SULF1: variants seen among roughly 807,000 people sequenced by gnomAD.
SULF1 encodes the protein sulfatase 1.
Under a neutral mutation model 110.5 loss-of-function variants are expected in SULF1, and 46 were observed. The observed-to-expected ratio is 0.42, with a 90% CI of 0.33 to 0.53. SULF1 has a LOEUF of 0.53. SULF1 is among the 20% of genes least tolerant of loss of function. The pLI, the probability that SULF1 is intolerant of heterozygous loss-of-function variation, is 0.12. For synonymous variants in SULF1, 371 were observed against 387.1 expected, an observed-to-expected ratio of 0.96 and a Z score of 0.49; for missense variants, 941 against 1,094.2, an observed-to-expected ratio of 0.86 and a Z score of 1.98.
At chr8:69,476,077 G>T (rs1809288778) in intron 1 of SULF1, among the ~76,000 whole-genome samples, 1 of 152,142 alleles carries the variant, frequency 6.6e-6, no homozygotes, top group Non-Finnish European at 1.5e-5. Flanking sequence ...AATTTAAAAA[G>T]TCTAGAGGCA....
chr8:69,593,105 C>T (rs1304093753), intron 8 of SULF1: 1 of 299,596 alleles, frequency 3.3e-6, no homozygotes, highest in Non-Finnish European at 5.0e-6. Flanking sequence ...ATGTGGTCTC[C>T]TGCAGGCCCT....
chr8:69,596,420 A>G (rs1172919846), intron 8 of SULF1, among the ~76,000 whole-genome samples: 4 of 152,120 alleles, frequency 2.6e-5, no homozygotes, highest in Admixed American at 6.5e-5. Flanking sequence ...CTACCTTTTC[A>G]TGGATGCATC....
At chr8:69,575,199 G>GTT (rs573518232) in intron 5 of SULF1, among the ~76,000 whole-genome samples, 7 of 141,154 alleles carry the variant, frequency 5.0e-5, no homozygotes, top group Non-Finnish European at 7.8e-5. Context: ...AATCGAAATA[G>GTT]TTTTTTTTTT....
At chr8:69,512,284 T>C (rs1454540368) in intron 3 of SULF1, among the ~76,000 whole-genome samples, 1 of 152,158 alleles carries the variant, frequency 6.6e-6, no homozygotes, top group African/African-American at 2.4e-5. Flanking sequence ...AAAGTGCCTC[T>C]TGAGCGAGTA....
At chr8:69,565,431 T>C (rs1815807649) in intron 5 of SULF1, among the ~76,000 whole-genome samples, 2 of 152,168 alleles carry the variant, frequency 1.3e-5, no homozygotes, top group South Asian at 4.1e-4. Context: ...GTGCCTAATG[T>C]GTTAATAGCA....
intron 3 of SULF1, among the ~76,000 whole-genome samples, chr8:69,554,230 C>G (rs10107234): frequency 0.48 from 72,543 of 151,974 alleles, 19,136 homozygotes; most frequent in African/African-American, 0.73. Flanking sequence ...GTGGAACACC[C>G]CTGGGTGTTT....
chr8:69,522,494 C>T (rs931749848), intron 3 of SULF1, among the ~76,000 whole-genome samples: 1 of 152,140 alleles, frequency 6.6e-6, no homozygotes, highest in Non-Finnish European at 1.5e-5. Context: ...TTAGACCTTC[C>T]AGTGGAAATA....
chr8:69,585,937 A>G (rs540833202), intron 6 of SULF1, among the ~76,000 whole-genome samples: 4 of 152,348 alleles, frequency 2.6e-5, no homozygotes, highest in African/African-American at 9.6e-5. Flanking sequence ...TCAAATAGTA[A>G]GTTAGAAAAC....
At chr8:69,593,885 C>T (rs554472028) in intron 8 of SULF1, among the ~76,000 whole-genome samples, 2 of 152,316 alleles carry the variant, frequency 1.3e-5, no homozygotes, top group South Asian at 4.1e-4. Flanking sequence ...AGTTACTTCT[C>T]TCTCCTCGCC....
At chr8:69,474,531 G>A (rs891591268) in intron 1 of SULF1, among the ~76,000 whole-genome samples, 2 of 152,128 alleles carry the variant, frequency 1.3e-5, no homozygotes, top group Non-Finnish European at 2.9e-5. Context: ...TCCCACAAAA[G>A]ACAGGCCCCC....
chr8:69,483,966 T>C (rs755065861), intron 1 of SULF1, among the ~76,000 whole-genome samples: 6 of 152,152 alleles, frequency 3.9e-5, no homozygotes, highest in Non-Finnish European at 8.8e-5. Flanking sequence ...TTATGCAACA[T>C]CTCTATGACA....
chr8:69,615,641 T>A (rs1268191980), intron 13 of SULF1, among the ~76,000 whole-genome samples: 1 of 152,124 alleles, frequency 6.6e-6, no homozygotes, highest in African/African-American at 2.4e-5. Context: ...TATGCATATA[T>A]GTATGTATAT....
At chr8:69,627,003 C>T (rs1810125572) in intron 15 of SULF1, among the ~76,000 whole-genome samples, 1 of 152,268 alleles carries the variant, frequency 6.6e-6, no homozygotes. Context: ...CGAGCGAGGG[C>T]TGTGAGGACT....
intron 22 of SULF1, among the ~76,000 whole-genome samples, chr8:69,652,647 G>A (rs1812427664): frequency 6.6e-6 from 1 of 152,162 alleles, no homozygotes. Flanking sequence ...AGGTTTCTCT[G>A]TATATCGTGA....
chr8:69,600,204 C>A (rs1400876264), intron 8 of SULF1, among the ~76,000 whole-genome samples: 1 of 152,032 alleles, frequency 6.6e-6, no homozygotes, highest in African/African-American at 2.4e-5. Context: ...CATTTAATAG[C>A]CTCATTAGCA....
intron 3 of SULF1, among the ~76,000 whole-genome samples, chr8:69,509,145 G>A (rs192648714): frequency 3.9e-5 from 6 of 152,290 alleles, no homozygotes; most frequent in African/African-American, 9.6e-5. Context: ...AAACACAACC[G>A]ATTGTTATTG....
intron 8 of SULF1, among the ~76,000 whole-genome samples, chr8:69,596,796 A>C (rs1186693543): frequency 1.3e-5 from 2 of 152,198 alleles, no homozygotes; most frequent in Non-Finnish European, 2.9e-5. Context: ...TTGCTGCAAC[A>C]ATCAAATGAG....
rs1442352131 is a variant in SULF1 at position 69,475,372 on chromosome 8, GA to G, written c.-391+8423del. Among the ~76,000 whole-genome samples the G allele has an allele frequency of 1.3e-4, 19 of 151,844 alleles. No homozygotes were observed. The East Asian group carries it at 2.7e-3, about 22-fold the overall frequency. On this transcript the variant is annotated intron_variant, in intron 1 of 22. Coordinates refer to the SULF1 transcript ENST00000260128. ...GAGCAGAGACAGAGAGAGAAAGAGA[GA>G]GGGGGATAACAAGACAATTGATCCC...
At chr8:69,584,265 G>A (rs1586471455) in intron 6 of SULF1, among the ~76,000 whole-genome samples, 1 of 152,338 alleles carries the variant, frequency 6.6e-6, no homozygotes, top group Non-Finnish European at 1.5e-5. Flanking sequence ...ACCAGGGATG[G>A]CAGGAGGGAT....
Sources: allele counts gnomAD v4.1 joint callset (sites outside exome capture counted in the v4.1 genomes callset), GRCh38; gene constraint gnomAD v4.1.1; transcripts MANE v1.5; gene names NCBI Gene and HGNC (gene_info 2026-07-23, HGNC 2026-07-21).